KCTD19: variants seen among roughly 807,000 people sequenced by gnomAD.
KCTD19 encodes BTB/POZ domain-containing protein KCTD19.
KCTD19 carries 67 observed loss-of-function variants against 103.5 expected under a neutral mutation model. That is an observed-to-expected ratio of 0.65 (90% CI 0.53 to 0.79). The LOEUF is 0.79. Ranked by LOEUF, KCTD19 falls within the 30% of genes least tolerant of loss-of-function variation. The pLI, the probability that KCTD19 is intolerant of heterozygous loss-of-function variation, is 0.00. For synonymous variants in KCTD19, 439 were observed against 452.2 expected (o/e 0.97, Z 0.37); for missense variants, 980 against 1,136.1 (o/e 0.86, Z 1.98).
At chr16:67,304,694 C>G in intron 2 of KCTD19, 123 bp from the exon 3 acceptor site, 1 of 804,444 alleles carries the variant, frequency 1.2e-6, no homozygotes, top group East Asian at 2.6e-5. Context: ...GACAGAGTCT[C>G]GTTTTGTTGC....
Position 67,290,884 on chromosome 16 carries a change from C to T in KCTD19, c.2667+1G>A, listed in dbSNP as rs1640884034. On this transcript the variant is annotated splice_donor_variant, in intron 15 of 15. Coordinates refer to ENST00000304372, the MANE Select transcript of KCTD19 (RefSeq NM_001100915.3). LOFTEE classifies it high-confidence loss of function. Reference sequence around the variant, plus strand: ...TCCCAGGGATTGCAAGTGGCCCTCACCTCCACCCAGCTGTACAGGCGCTCC... The same window carrying T: ...TCCCAGGGATTGCAAGTGGCCCTCATCTCCACCCAGCTGTACAGGCGCTCC... 1 of 1,610,882 alleles carries T rather than the reference C, an allele frequency of 6.2e-7. No individual in the cohort carries two copies. The highest frequency in any genetic ancestry group is 8.5e-7 in the Non-Finnish European group (1 of 1,178,760).
rs1274218823 is a variant in KCTD19, at chr16:67,296,561, GT to G, written c.1148-303del. Among the ~76,000 whole-genome samples, 4 of 152,148 alleles carry G rather than the reference GT, an allele frequency of 2.6e-5. No homozygotes were observed. The East Asian group carries it at 5.8e-4, about 22-fold the overall frequency. ...CTGCCTCCGGTTTCTGGTTGGGTGT[GT>G]CCTGAGTGTGTAGCTTTTCATGTGG... On this transcript the variant is annotated intron_variant, in intron 7 of 15. Transcript: ENST00000304372.
chr16:67,302,010 T>C (rs901493209), intron 4 of KCTD19, 88 bp from the exon 5 acceptor site: 2 of 1,213,462 alleles, frequency 1.6e-6, no homozygotes, highest in Non-Finnish European at 2.4e-6. Flanking sequence ...TCTGGTGCTG[T>C]AACTTATCCT....
chr16:67,299,224 GATGGTA>G (rs1213793898), intron 6 of KCTD19, 133 bp downstream of exon 6: 2 of 760,038 alleles, frequency 2.6e-6, no homozygotes, highest in East Asian at 2.7e-5. Flanking sequence ...CGGTGCTGGT[GATGGTA>G]ATGGCTAAAA....
intron 8 of KCTD19, 43 bp downstream of exon 8, chr16:67,296,116 G>T (rs776179419): frequency 8.8e-7 from 1 of 1,133,806 alleles, no homozygotes; most frequent in Non-Finnish European, 1.3e-6. Context: ...CAGCTCAGGT[G>T]GTGATGCCAG....
chr16:67,291,900 T>C, intron 12 of KCTD19, 63 bp from the exon 13 acceptor site: 1 of 1,209,232 alleles, frequency 8.3e-7, no homozygotes, highest in Non-Finnish European at 1.1e-6. Context: ...CAAGATAGAG[T>C]TTTGCTTTTG....
At chr16:67,314,566 CATTTT>C (rs2036982302) in intron 2 of KCTD19, among the ~76,000 whole-genome samples, 1 of 151,406 alleles carries the variant, frequency 6.6e-6, no homozygotes, top group Non-Finnish European at 1.5e-5. Context: ...TATATGGTGC[CATTTT>C]ATTTATTTAT....
chr16:67,323,531 A>T lies in KCTD19; in HGVS notation c.4-2646T>A, dbSNP rs938085595. On this transcript the variant is annotated intron_variant, in intron 1 of 15. Transcript: ENST00000304372. This position sits in a 1 kb window ranked among gnomAD's most constrained non-coding sequence, Gnocchi z 4.1. ...GAGTGAGGCACGTCTCTAAAAAAAT[A>T]AAAAATAAAAAGGAATGAAGTACTG... 6.6e-6 allele frequency among the ~76,000 whole-genome samples: 1 copy of T among 152,212 alleles called. No homozygotes were observed. Among genetic ancestry groups the T allele is most frequent in the African/African-American group, 2.4e-5 (1 of 41,448 alleles).
In KCTD19 at chr16:67,320,508, C is replaced by G; in HGVS notation, c.300+81G>C. ...CCATTAAGAGGGTCATCTCAGCAACCAATATATAACAGGAAACAATATTTA... is the reference window on the plus strand; with the variant it reads ...CCATTAAGAGGGTCATCTCAGCAACGAATATATAACAGGAAACAATATTTA... On this transcript the variant is annotated intron_variant, in intron 2 of 15. Coordinates refer to ENST00000304372, the MANE Select transcript of KCTD19 (RefSeq NM_001100915.3). This position sits in a 1 kb window ranked among gnomAD's most constrained non-coding sequence, Gnocchi z 4.0. 1 of 1,382,188 alleles carries G rather than the reference C, an allele frequency of 7.2e-7. No individual in the cohort carries two copies. The highest frequency in any genetic ancestry group is 1.0e-6 in the Non-Finnish European group (1 of 1,004,030). 85.6% of individuals were successfully genotyped at this position (1,382,188 alleles called of 1,614,324 possible). A position where few individuals can be genotyped will look rare whatever the true frequency, so the allele number is the denominator to read the frequency against.
intron 2 of KCTD19, among the ~76,000 whole-genome samples, chr16:67,312,737 C>T (rs985542980): frequency 3.9e-5 from 6 of 152,142 alleles, no homozygotes; most frequent in African/African-American, 1.2e-4. Flanking sequence ...TCTCTCTCAC[C>T]CTACATTCAA....
rs1005704703 is a variant in KCTD19 at position 67,303,379 on chromosome 16, C to T, written c.452-42G>A. ...AGGCAGTGTTGCCACCTCTCAGAAG[C>T]CAGGGATCTGATTCCAGCAGGGCTT... On this transcript the variant is annotated intron_variant, in intron 3 of 15. Coordinates refer to ENST00000304372, the MANE Select transcript of KCTD19 (RefSeq NM_001100915.3). The surrounding 1 kb of genome is among the most constrained non-coding windows in gnomAD (Gnocchi z 4.3). 2.6e-6 allele frequency: 4 copies of T among 1,547,476 alleles called. No individual in the cohort carries two copies. The South Asian group carries it at 4.7e-5, about 18-fold the overall frequency.
chr16:67,296,708 T>C (rs2036769256), intron 7 of KCTD19, among the ~76,000 whole-genome samples: 1 of 152,212 alleles, frequency 6.6e-6, no homozygotes. Context: ...TCTAGGCATG[T>C]CTGGAGAATG....
intron 4 of KCTD19, 44 bp from the exon 5 acceptor site, chr16:67,301,966 C>T: frequency 1.2e-6 from 2 of 1,606,010 alleles, no homozygotes; most frequent in South Asian, 1.1e-5. Context: ...GAGGCTATTT[C>T]TGGTTTAGCT....
chr16:67,319,688 T>TATAATAATA (rs34930442), intron 2 of KCTD19, among the ~76,000 whole-genome samples: 2,480 of 148,262 alleles, frequency 0.017, 58 homozygotes, highest in African/African-American at 0.053. Context: ...TTAAAGCTCT[T>TATAATAATA]ATAATAATAA....
chr16:67,314,869 AGAGAGG>A lies in KCTD19; in HGVS notation c.300+5714_300+5719del, dbSNP rs1411977063. ...GAGAGAGAGAGAGAGAGAGAGAGAG[AGAGAGG>A]GGAAGGGTCTTGCTTTGTCACCCAG... On this transcript the variant is annotated intron_variant, in intron 2 of 15. Transcript: ENST00000304372. 3.4e-3 allele frequency among the ~76,000 whole-genome samples: 487 copies of A among 142,082 alleles called. 9 individuals are homozygous for A. Among genetic ancestry groups the A allele is most frequent in the Middle Eastern group, 0.011 (3 of 268 alleles). 93.2% of individuals were successfully genotyped at this position (142,082 alleles called of 152,430 possible).
intron 2 of KCTD19, among the ~76,000 whole-genome samples, chr16:67,315,133 A>G (rs1394088575): frequency 6.6e-6 from 1 of 150,836 alleles, no homozygotes; most frequent in Non-Finnish European, 1.5e-5. Context: ...AGCTACCTAT[A>G]ACATTTAGAA....
chr16:67,315,362 G>A (rs1461331287), intron 2 of KCTD19, among the ~76,000 whole-genome samples: 2 of 149,566 alleles, frequency 1.3e-5, no homozygotes, highest in Admixed American at 6.7e-5. Context: ...CTGGAGTGCC[G>A]TGGCTCAATC....
intron 1 of KCTD19, among the ~76,000 whole-genome samples, chr16:67,324,817 T>A (rs1316487024): frequency 6.6e-6 from 1 of 151,628 alleles, no homozygotes; most frequent in African/African-American, 2.4e-5. Context: ...ACTAGAAGAG[T>A]TAAAGGGGGT....
intron 1 of KCTD19, chr16:67,325,792 G>C (rs951914762): frequency 6.6e-6 from 1 of 152,188 alleles, no homozygotes; most frequent in African/African-American, 2.4e-5. Flanking sequence ...GCTTCTTGCC[G>C]GACTGACTTC....
Sources: allele counts gnomAD v4.1 joint callset (sites outside exome capture counted in the v4.1 genomes callset), GRCh38; gene constraint gnomAD v4.1.1; non-coding constraint Gnocchi (gnomAD v3.1); transcripts MANE v1.5; gene names NCBI Gene and HGNC (gene_info 2026-07-23, HGNC 2026-07-21).